Variants in DSCAM observed in about 807,000 individuals in gnomAD.
DSCAM encodes the protein DS cell adhesion molecule.
Under a neutral mutation model 217.7 loss-of-function variants are expected in DSCAM, and 47 were observed. The ratio of observed to expected loss-of-function variants is 0.22; its 90% CI spans 0.17 to 0.28. The LOEUF (loss-of-function observed/expected upper bound fraction) is 0.28, where lower values mean the gene tolerates loss of function less well. Ranked by LOEUF, DSCAM falls within the 10% of genes least tolerant of loss-of-function variation. DSCAM has a pLI of 1.00. For missense variants in DSCAM, 2,080 were observed against 2,618.3 expected (o/e 0.79, Z 4.49); for synonymous variants, 1,056 against 1,015.3 (o/e 1.04, Z -0.76).
At chr21:40,567,090 C>T (rs1307129879) in intron 3 of DSCAM, among the ~76,000 whole-genome samples, 2 of 152,140 alleles carry the variant, frequency 1.3e-5, no homozygotes, top group Non-Finnish European at 2.9e-5. Flanking sequence ...ATCAGTGTTA[C>T]ATTTTATGAC....
chr21:40,745,056 A>T (rs1601202299), intron 1 of DSCAM, among the ~76,000 whole-genome samples: 1 of 152,186 alleles, frequency 6.6e-6, no homozygotes, highest in East Asian at 1.9e-4. Context: ...CTTCAATAGC[A>T]GACTTAAAGA....
intron 4 of DSCAM, among the ~76,000 whole-genome samples, chr21:40,355,226 C>T (rs7283653): frequency 0.75 from 113,805 of 152,110 alleles, 43,139 homozygotes; most frequent in African/African-American, 0.86. Flanking sequence ...CAGGAGGACT[C>T]AAGATATGGT....
At chr21:40,610,594 C>T (rs1415851094) in intron 3 of DSCAM, among the ~76,000 whole-genome samples, 3 of 152,204 alleles carry the variant, frequency 2.0e-5, no homozygotes, top group African/African-American at 7.2e-5. Flanking sequence ...TCCATCCCCT[C>T]CCCTCCCCCA....
intron 11 of DSCAM, among the ~76,000 whole-genome samples, chr21:40,214,735 C>CAAAAAAAAAAA (rs1209648217): frequency 7.4e-5 from 5 of 67,876 alleles, no homozygotes; most frequent in African/African-American, 1.6e-4. Context: ...GCAACAACAG[C>CAAAAAAAAAAA]AAAAAAAAAA....
In DSCAM at chr21:40,419,356, C is replaced by T. The variant is rs548828169; in HGVS notation, c.509-50111G>A. Among the ~76,000 whole-genome samples, 14 of 151,926 alleles carry T rather than the reference C, an allele frequency of 9.2e-5. No individual in the cohort carries two copies. In the South Asian group the frequency reaches 2.3e-3, roughly 25 times the overall value. ...CAGATAGAAAAATTCATGAAGTATC[C>T]GAAATATTATTTAAAAGAGAAATAA... On this transcript the variant is annotated intron_variant, in intron 3 of 32. Coordinates refer to ENST00000400454, the MANE Select transcript of DSCAM (RefSeq NM_001389.5).
chr21:40,197,963 C>A (rs2091031666), intron 11 of DSCAM, among the ~76,000 whole-genome samples: 1 of 152,164 alleles, frequency 6.6e-6, no homozygotes, highest in African/African-American at 2.4e-5. Flanking sequence ...GAGTGTCTGA[C>A]CACAGGGGTA....
intron 8 of DSCAM, among the ~76,000 whole-genome samples, chr21:40,333,066 G>C (rs1024378040): frequency 1.3e-5 from 2 of 152,168 alleles, no homozygotes; most frequent in Admixed American, 6.5e-5. Context: ...TAAGGCTTCA[G>C]GTTTGCTCTT....
chr21:40,811,645 G>T (rs1349425530), intron 1 of DSCAM, among the ~76,000 whole-genome samples: 1 of 152,220 alleles, frequency 6.6e-6, no homozygotes, highest in Non-Finnish European at 1.5e-5. Context: ...AACAAAGGCT[G>T]ATGCAGACAG....
intron 1 of DSCAM, among the ~76,000 whole-genome samples, chr21:40,765,925 G>A (rs7279013): frequency 0.31 from 47,004 of 152,076 alleles, 8,476 homozygotes; most frequent in East Asian, 0.39. Context: ...GCTGACCTCC[G>A]CCCTGTGCTG....
At chr21:40,093,136 C>T (rs1221010486) in intron 21 of DSCAM, among the ~76,000 whole-genome samples, 2 of 152,056 alleles carry the variant, frequency 1.3e-5, no homozygotes, top group African/African-American at 2.4e-5. Flanking sequence ...ACTGGATGGC[C>T]GTGATTACCA....
At chr21:40,286,630 C>T (rs2073827257) in intron 10 of DSCAM, among the ~76,000 whole-genome samples, 1 of 145,224 alleles carries the variant, frequency 6.9e-6, no homozygotes, top group Non-Finnish European at 1.5e-5. Context: ...TGCTTCTTTC[C>T]AGACTTATCT....
chr21:40,312,190 C>T lies in DSCAM; in HGVS notation c.1953G>A (p.Thr651=). ...AGAGATTGGAAATCCTCAAGGAGCTCGTGAAGTCAATATTGTCAATGGTCA... is the reference window on the plus strand; with the variant it reads ...AGAGATTGGAAATCCTCAAGGAGCTTGTGAAGTCAATATTGTCAATGGTCA... ...LGVTIDNIDF[T]SSLRISNLSL... The change falls in exon 9 of 33, where the codon ACG becomes ACA. Residue 651 remains threonine (T), a synonymous_variant. Transcript: ENST00000400454. The T allele has an allele frequency of 1.9e-6, 3 of 1,613,896 alleles. No individual in the cohort carries two copies. Among genetic ancestry groups the T allele is most frequent in the South Asian group, 1.1e-5 (1 of 91,068 alleles).
intron 11 of DSCAM, among the ~76,000 whole-genome samples, chr21:40,240,346 C>G (rs1335174613): frequency 2.0e-5 from 1 of 51,084 alleles, no homozygotes; most frequent in Non-Finnish European, 3.6e-5. Context: ...AGCTTCCTCA[C>G]TGGTTTTTTT....
chr21:40,818,102 C>CAAA (rs35894315), intron 1 of DSCAM, among the ~76,000 whole-genome samples: 3 of 52,244 alleles, frequency 5.7e-5, no homozygotes, highest in African/African-American at 2.6e-4. Context: ...GACTCCGTCT[C>CAAA]AAAAAAAAAA....
intron 20 of DSCAM, among the ~76,000 whole-genome samples, chr21:40,096,029 C>T (rs1479124382): frequency 6.6e-6 from 1 of 152,164 alleles, no homozygotes; most frequent in Non-Finnish European, 1.5e-5. Context: ...CCCCAAATCA[C>T]TAAGCTAAAG....
At chr21:40,554,834 C>A (rs1394524281) in intron 3 of DSCAM, among the ~76,000 whole-genome samples, 2 of 152,012 alleles carry the variant, frequency 1.3e-5, no homozygotes, top group Non-Finnish European at 2.9e-5. Flanking sequence ...GTTTTTGTAA[C>A]CACCAACATG....
At chr21:40,200,063 T>C (rs1434078939) in intron 11 of DSCAM, among the ~76,000 whole-genome samples, 2 of 150,610 alleles carry the variant, frequency 1.3e-5, no homozygotes, top group Non-Finnish European at 2.9e-5. Context: ...AAATTGGTCA[T>C]TTTGGTCACT....
chr21:40,552,841 T>TA (rs1261228698), intron 3 of DSCAM, among the ~76,000 whole-genome samples: 1 of 152,252 alleles, frequency 6.6e-6, no homozygotes, highest in Non-Finnish European at 1.5e-5. Flanking sequence ...GTTTTACACT[T>TA]AAAAAGCTTT....
At chr21:40,429,877 A>G (rs953459747) in intron 3 of DSCAM, among the ~76,000 whole-genome samples, 2 of 152,220 alleles carry the variant, frequency 1.3e-5, no homozygotes, top group Non-Finnish European at 1.5e-5. Context: ...GCAAAATATA[A>G]TAAGACATGA....
Sources: allele counts gnomAD v4.1 joint callset (sites outside exome capture counted in the v4.1 genomes callset), GRCh38; gene constraint gnomAD v4.1.1; transcripts MANE v1.5; gene names NCBI Gene and HGNC (gene_info 2026-07-23, HGNC 2026-07-21).